TYK2: variants seen among roughly 807,000 people sequenced by gnomAD.
TYK2 encodes tyrosine kinase 2.
A neutral mutation model predicts 130.9 loss-of-function variants in TYK2; 65 were observed. The ratio of observed to expected loss-of-function variants is 0.50; its 90% CI spans 0.41 to 0.61. The LOEUF (loss-of-function observed/expected upper bound fraction) is 0.61, where lower values mean the gene tolerates loss of function less well. Ranked by LOEUF, TYK2 falls within the 20% of genes least tolerant of loss-of-function variation. The probability of loss-of-function intolerance (pLI) is 0.00; values close to 1 mark genes in which losing one functional copy is unlikely to be tolerated. For synonymous variants in TYK2, 647 were observed against 658.9 expected, an observed-to-expected ratio of 0.98 and a Z score of 0.28; for missense variants, 1,378 against 1,610.7, an observed-to-expected ratio of 0.86 and a Z score of 2.47.
In TYK2 at chr19:10,354,030, G is replaced by C; in HGVS notation, c.2908+12C>G. On this transcript the variant is annotated intron_variant, in intron 20 of 24. Transcript: ENST00000525621. ...CCCCTCAAGTCTCTAGGACTCGCCG[G>C]GTCCCGCCCACCTTGGTCCTCGCAG... 1 of 1,613,744 alleles carries C rather than the reference G, an allele frequency of 6.2e-7. No individual in the cohort carries two copies. Among genetic ancestry groups the C allele is most frequent in the Non-Finnish European group, 8.5e-7 (1 of 1,179,866 alleles).
At position 10,357,993 on chromosome 19, in the gene TYK2, A is replaced by C; in HGVS notation, c.2311+10T>G. On this transcript the variant is annotated intron_variant, in intron 16 of 24. Coordinates refer to ENST00000525621, the MANE Select transcript of TYK2 (RefSeq NM_003331.5). ...CCCCCCACTGTGCCCAGGTCCCCTCAGGTACTCACCCTCCCTGGAGAGGGC... is the reference window on the plus strand; with the variant it reads ...CCCCCCACTGTGCCCAGGTCCCCTCCGGTACTCACCCTCCCTGGAGAGGGC... The C allele has an allele frequency of 6.2e-7, 1 of 1,613,482 alleles. No homozygotes were observed. The highest frequency in any genetic ancestry group is 8.5e-7 in the Non-Finnish European group (1 of 1,180,002).
intron 3 of TYK2, 29 bp downstream of exon 3, chr19:10,378,185 T>TC: frequency 1.2e-6 from 2 of 1,609,886 alleles, no homozygotes; most frequent in African/African-American, 2.7e-5. Context: ...CCCACCCCAG[T>TC]CCCCATGGTG....
At chr19:10,372,471 T>C (rs2041949320) in intron 3 of TYK2, among the ~76,000 whole-genome samples, 1 of 64,124 alleles carries the variant, frequency 1.6e-5, no homozygotes, top group South Asian at 4.5e-4. Context: ...TATATATATA[T>C]ATATATATAT....
rs766486735 is a variant in TYK2 at position 10,356,606 on chromosome 19, C to T, written c.2579G>A (p.Arg860His). The T allele has an allele frequency of 3.7e-6, 6 of 1,613,520 alleles. No homozygotes were observed. The highest frequency in any genetic ancestry group is 2.2e-5 in the South Asian group (2 of 91,032). ...TYEPTQRPSFRTILRDLTRLQ... is the reference protein window; with the variant it reads ...TYEPTQRPSFHTILRDLTRLQ... Reference sequence around the variant, plus strand: ...CCGGGTGAGGTCACGCAGGATGGTGCGGAATGATGGCCTCTGGGTTGGCTC... The same window carrying T: ...CCGGGTGAGGTCACGCAGGATGGTGTGGAATGATGGCCTCTGGGTTGGCTC... The change falls in exon 18 of 25, where the codon CGC becomes CAC. Residue 860 changes from arginine to histidine, a missense_variant. By Grantham distance (29) the Arg-to-His change is conservative. Coordinates refer to ENST00000525621, the MANE Select transcript of TYK2 (RefSeq NM_003331.5).
Position 10,361,082 on chromosome 19 carries a change from G to C in TYK2, c.2047+429C>G. ...AAGGAGTTTTGAGCTACCTGCAGAGGAAAGGAAGAGGTGGGGTTAGGCAGG... is the reference window on the plus strand; with the variant it reads ...AAGGAGTTTTGAGCTACCTGCAGAGCAAAGGAAGAGGTGGGGTTAGGCAGG... On this transcript the variant is annotated intron_variant, in intron 14 of 24. Coordinates refer to ENST00000525621, the MANE Select transcript of TYK2 (RefSeq NM_003331.5). This position sits in a 1 kb window ranked among gnomAD's most constrained non-coding sequence, Gnocchi z 4.0. 1 of 472,970 alleles carries C rather than the reference G, an allele frequency of 2.1e-6. No individual in the cohort carries two copies. Among genetic ancestry groups the C allele is most frequent in the Non-Finnish European group, 4.2e-6 (1 of 239,240 alleles). 29.3% of individuals were successfully genotyped at this position (472,970 alleles called of 1,614,324 possible). A position where few individuals can be genotyped will look rare whatever the true frequency, so the allele number is the denominator to read the frequency against.
chr19:10,350,798 TG>T lies in TYK2; in HGVS notation c.*35del, dbSNP rs759202534. On this transcript the variant is annotated 3_prime_UTR_variant, in exon 25 of 25. Transcript: ENST00000525621. ...GGAGGCTCCCTCTGCAGCCACTGCC[TG>T]GTCCAGTCCTCCCAGGCAGGGCTGC... is the stretch of plus-strand genomic sequence containing the variant. The T allele has an allele frequency of 6.2e-7, 1 of 1,611,654 alleles. No homozygotes were observed. The highest frequency in any genetic ancestry group is 1.3e-5 in the African/African-American group (1 of 75,020).
At position 10,365,666 on chromosome 19, in the gene TYK2, C is replaced by T. The variant is rs1568338003; in HGVS notation, c.862G>A (p.Gly288Arg). 1 of 1,613,478 alleles carries T rather than the reference C, an allele frequency of 6.2e-7. No homozygotes were observed. Among genetic ancestry groups the T allele is most frequent in the Admixed American group, 1.7e-5 (1 of 60,004 alleles). Residue 288 changes from glycine (G) to arginine (R), a missense_variant, in exon 7 of 25, where the codon GGG becomes AGG. Physicochemically the swap from Gly to Arg is moderately radical, Grantham distance 125. Coordinates refer to ENST00000525621, the MANE Select transcript of TYK2 (RefSeq NM_003331.5). ...CTGTCCCGGATGTAGCAGGGCTCCC[C>T]CTCGGCCTGGGCCAGCAGCCTCAGG... is the stretch of plus-strand genomic sequence containing the variant. ...CHLRLLAQAEGEPCYIRDSGV... is the reference protein window; with the variant it reads ...CHLRLLAQAEREPCYIRDSGV...
chr19:10,359,501 G>T (rs150428356), intron 14 of TYK2, among the ~76,000 whole-genome samples, 199 bp from the exon 15 acceptor site: 31 of 152,328 alleles, frequency 2.0e-4, no homozygotes, highest in Non-Finnish European at 3.2e-4. Context: ...AGCGGTGGAT[G>T]AGGGCATTGG....
chr19:10,374,411 C>G (rs2042031538), intron 3 of TYK2, among the ~76,000 whole-genome samples: 1 of 151,490 alleles, frequency 6.6e-6, no homozygotes, highest in African/African-American at 2.4e-5. Flanking sequence ...TGGTGAAACC[C>G]CCGTCTCTAC....
intron 2 of TYK2, among the ~76,000 whole-genome samples, chr19:10,378,828 A>C (rs1208652138): frequency 2.2e-5 from 3 of 137,396 alleles, no homozygotes; most frequent in Non-Finnish European, 4.7e-5. Flanking sequence ...AAGACGTTTT[A>C]TTTTATATCT....
intron 3 of TYK2, 122 bp from the exon 4 acceptor site, chr19:10,368,540 T>A: frequency 6.9e-7 from 1 of 1,451,824 alleles, no homozygotes; most frequent in Non-Finnish European, 9.5e-7. Flanking sequence ...ACCTGCAGCT[T>A]CAGTCTCACG....
In TYK2 at chr19:10,353,111, C is replaced by T; in HGVS notation, c.3028-13G>A. On this transcript the variant is annotated splice_polypyrimidine_tract_variant and intron_variant, in intron 21 of 24. Transcript: ENST00000525621. The surrounding 1 kb of genome is among the most constrained non-coding windows in gnomAD (Gnocchi z 6.9). ...GATAGGCCATGCCCTGGGGACGGGG[C>T]AGGGCTCGTGAGTTTCAGTGGGGCG... 2 of 1,506,670 alleles carry T rather than the reference C, an allele frequency of 1.3e-6. No individual in the cohort carries two copies. Among genetic ancestry groups the T allele is most frequent in the Non-Finnish European group, 1.8e-6 (2 of 1,124,374 alleles). 93.3% of individuals were successfully genotyped at this position (1,506,670 alleles called of 1,614,324 possible).
chr19:10,359,381 G>A, intron 14 of TYK2, 79 bp from the exon 15 acceptor site: 2 of 1,544,860 alleles, frequency 1.3e-6, no homozygotes, highest in Non-Finnish European at 8.8e-7. Flanking sequence ...AGACGCCAGG[G>A]AGGGACTTGG....
chr19:10,373,368 A>T (rs1330847075), intron 3 of TYK2, among the ~76,000 whole-genome samples: 2 of 135,322 alleles, frequency 1.5e-5, no homozygotes, highest in African/African-American at 2.8e-5. Flanking sequence ...TTTGAGACCG[A>T]GTCTCTGTCA....
At position 10,356,514 on chromosome 19, in the gene TYK2, G is replaced by T. The variant is rs1005910840; in HGVS notation, c.2617+54C>A. ...CTCGTGCGCTATAGGCATACAGCAG[G>T]GATCCCAGCCCCGTCCCACTTCCCC... is the stretch of plus-strand genomic sequence containing the variant. On this transcript the variant is annotated intron_variant, in intron 18 of 24. Coordinates refer to ENST00000525621, the MANE Select transcript of TYK2 (RefSeq NM_003331.5). 5.6e-6 allele frequency: 9 copies of T among 1,606,136 alleles called. No homozygotes were observed. In the African/African-American group the frequency reaches 1.2e-4, roughly 21 times the overall value.
Position 10,379,296 on chromosome 19 carries a change from T to C in TYK2, c.-21+319A>G, listed in dbSNP as rs570302332. 3.3e-5 allele frequency among the ~76,000 whole-genome samples: 5 copies of C among 151,872 alleles called. No homozygotes were observed. In the South Asian group the frequency reaches 1.0e-3, roughly 32 times the overall value. ...GTGAGCAGTGATCGCACCACTGCAT[T>C]CCAGCCTGGGTGACAGAGTGAGACC... On this transcript the variant is annotated intron_variant, in intron 2 of 24. Transcript: ENST00000525621.
At chr19:10,360,182 A>G (rs150743081) in intron 14 of TYK2, among the ~76,000 whole-genome samples, 1 of 151,902 alleles carries the variant, frequency 6.6e-6, no homozygotes, top group East Asian at 1.9e-4. Context: ...ACTCCGTCTC[A>G]AAAAAATTAA....
intron 3 of TYK2, among the ~76,000 whole-genome samples, chr19:10,370,774 G>A (rs191150754): frequency 1.3e-5 from 2 of 152,160 alleles, no homozygotes; most frequent in Non-Finnish European, 2.9e-5. Flanking sequence ...CCGAGATCAC[G>A]CCACTGCGCT....
Position 10,362,127 on chromosome 19 carries a change from T to A in TYK2, c.1724A>T (p.Asn575Ile). The change falls in exon 12 of 25, where the codon AAC becomes ATC. Residue 575 changes from asparagine (N) to isoleucine (I), a missense_variant. By Grantham distance (149) the Asn-to-Ile change is moderately radical (BLOSUM62 -3). Coordinates refer to ENST00000525621, the MANE Select transcript of TYK2 (RefSeq NM_003331.5). ...CCGGTGGAAGCTGAGCTGGCTGAGG[T>A]TGAGTGTCCTGGGGCTGGCCCGAGC... The part of the protein sequence containing the change: ...RGARASPRTL[N>I]LSQLSFHRVD... 6.2e-7 allele frequency: 1 copy of A among 1,613,910 alleles called. No individual in the cohort carries two copies. The highest frequency in any genetic ancestry group is 2.2e-5 in the East Asian group (1 of 44,850).
Sources: allele counts gnomAD v4.1 joint callset (sites outside exome capture counted in the v4.1 genomes callset), GRCh38; gene constraint gnomAD v4.1.1; non-coding constraint Gnocchi (gnomAD v3.1); transcripts MANE v1.5; gene names NCBI Gene and HGNC (gene_info 2026-07-23, HGNC 2026-07-21).